PRRX1: variants seen among roughly 807,000 people sequenced by gnomAD.
PRRX1 encodes paired related homeobox 1, also known as paired mesoderm homeobox protein 1.
A neutral mutation model predicts 24.0 loss-of-function variants in PRRX1; 8 were observed. The ratio of observed to expected loss-of-function variants is 0.33; its 90% confidence interval spans 0.20 to 0.60. The LOEUF is 0.60. PRRX1 is among the 20% of genes least tolerant of loss of function. The probability of loss-of-function intolerance (pLI) is 0.82; values close to 1 mark genes in which losing one functional copy is unlikely to be tolerated. For missense variants in PRRX1, 281 were observed against 322.4 expected (o/e 0.87, Z 0.98); for synonymous variants, 160 against 131.7 (o/e 1.22, Z -1.47).
At chr1:170,716,508 C>T (rs1654912210) in intron 1 of PRRX1, among the ~76,000 whole-genome samples, 1 of 151,252 alleles carries the variant, frequency 6.6e-6, no homozygotes, top group Non-Finnish European at 1.5e-5. Flanking sequence ...GGTGTGAACC[C>T]AGGAGGCGGA....
intron 1 of PRRX1, among the ~76,000 whole-genome samples, chr1:170,675,380 C>A (rs1010961307): frequency 6.6e-6 from 1 of 152,114 alleles, no homozygotes; most frequent in Non-Finnish European, 1.5e-5. Flanking sequence ...GAAGAGCTCA[C>A]AAAATTAGTC....
chr1:170,690,123 T>C (rs1207855362), intron 1 of PRRX1, among the ~76,000 whole-genome samples: 1 of 149,718 alleles, frequency 6.7e-6, no homozygotes, highest in African/African-American at 2.5e-5. Flanking sequence ...ACTCCTCCCC[T>C]CCCCCCCCAT....
At chr1:170,685,648 ATTTC>A (rs111844135) in intron 1 of PRRX1, among the ~76,000 whole-genome samples, 57,240 of 150,652 alleles carry the variant, frequency 0.38, 11,201 homozygotes, top group Middle Eastern at 0.52. Context: ...TGCCTGCTTG[ATTTC>A]TTTCTTTCTT....
chr1:170,704,759 C>T (rs1654503069), intron 1 of PRRX1, among the ~76,000 whole-genome samples: 1 of 152,132 alleles, frequency 6.6e-6, no homozygotes, highest in Non-Finnish European at 1.5e-5. Flanking sequence ...ATAGACTATA[C>T]CCAAAACATT....
At chr1:170,665,654 A>C (rs1652897338) in intron 1 of PRRX1, among the ~76,000 whole-genome samples, 1 of 152,242 alleles carries the variant, frequency 6.6e-6, no homozygotes, top group Non-Finnish European at 1.5e-5. Flanking sequence ...TAGACATACA[A>C]ATCAAACTGC....
At chr1:170,683,638 TAG>T (rs1254073163) in intron 1 of PRRX1, among the ~76,000 whole-genome samples, 1 of 152,192 alleles carries the variant, frequency 6.6e-6, no homozygotes, top group African/African-American at 2.4e-5. Context: ...TTTGAAATGT[TAG>T]AGTCTATAAT....
intron 1 of PRRX1, among the ~76,000 whole-genome samples, chr1:170,697,559 T>C (rs907142123): frequency 8.6e-5 from 13 of 151,486 alleles, no homozygotes; most frequent in African/African-American, 3.1e-4. Flanking sequence ...CAAAGGCACT[T>C]TCTTCCAATC....
At chr1:170,715,983 T>C (rs1654892399) in intron 1 of PRRX1, among the ~76,000 whole-genome samples, 1 of 152,228 alleles carries the variant, frequency 6.6e-6, no homozygotes, top group South Asian at 2.1e-4. Context: ...TTGGGAATCC[T>C]GGTTTCTTGC....
intron 1 of PRRX1, among the ~76,000 whole-genome samples, chr1:170,710,827 T>A (rs183170739): frequency 1.8e-4 from 28 of 152,318 alleles, no homozygotes; most frequent in African/African-American, 6.0e-4. Context: ...AAGCAGGCCC[T>A]CAACAGGAAC....
Position 170,736,423 on chromosome 1 carries a change from T to C in PRRX1, c.*237T>C, listed in dbSNP as rs1655605825. The C allele has an allele frequency of 1.7e-6, 1 of 574,862 alleles. No individual in the cohort carries two copies. Among genetic ancestry groups the C allele is most frequent in the Non-Finnish European group, 3.0e-6 (1 of 328,922 alleles). 35.6% of individuals were successfully genotyped at this position (574,862 alleles called of 1,614,324 possible). ...ACCACCACTTGTTTCTGTGTGTGTTTATTTTGTTTTTCTTTCATTCATGCT... is the reference window on the plus strand; with the variant it reads ...ACCACCACTTGTTTCTGTGTGTGTTCATTTTGTTTTTCTTTCATTCATGCT... On this transcript the variant is annotated 3_prime_UTR_variant, in exon 4 of 4. Transcript: ENST00000239461.
chr1:170,729,744 G>T (rs914361556), intron 3 of PRRX1, among the ~76,000 whole-genome samples: 3 of 152,206 alleles, frequency 2.0e-5, no homozygotes, highest in African/African-American at 7.2e-5. Context: ...TCACCAGAGG[G>T]ACAAAGCATT....
chr1:170,738,234 A>T lies in PRRX1; in HGVS notation c.*2048A>T, dbSNP rs1307194996. ...GTGACAGGCAAGGATTTTTGGGTTT[A>T]AGATGCACTTTTAGCACACATTTGT... On this transcript the variant is annotated 3_prime_UTR_variant, in exon 4 of 4. Transcript: ENST00000239461. 4.4e-6 allele frequency: 1 copy of T among 224,990 alleles called. No individual in the cohort carries two copies. Among genetic ancestry groups the T allele is most frequent in the East Asian group, 6.5e-5 (1 of 15,442 alleles). 13.9% of individuals were successfully genotyped at this position (224,990 alleles called of 1,614,324 possible).
intron 1 of PRRX1, among the ~76,000 whole-genome samples, chr1:170,669,746 A>T (rs1653082179): frequency 6.6e-6 from 1 of 152,130 alleles, no homozygotes; most frequent in African/African-American, 2.4e-5. Context: ...AAAGGTCTGT[A>T]CGTGCCTGTG....
At chr1:170,672,985 C>A (rs1653194427) in intron 1 of PRRX1, among the ~76,000 whole-genome samples, 2 of 152,144 alleles carry the variant, frequency 1.3e-5, no homozygotes. Context: ...CTCCTAAATG[C>A]TGTTTTCTAG....
At chr1:170,677,366 A>G (rs667190) in intron 1 of PRRX1, among the ~76,000 whole-genome samples, 3,455 of 152,350 alleles carry the variant, frequency 0.023, 144 homozygotes, top group African/African-American at 0.078. Flanking sequence ...TAAATGCTTT[A>G]TTATAAATTG....
intron 3 of PRRX1, among the ~76,000 whole-genome samples, chr1:170,733,430 T>A (rs575026367): frequency 1.3e-5 from 2 of 152,264 alleles, no homozygotes; most frequent in East Asian, 3.9e-4. Flanking sequence ...AAAAAACACA[T>A]CATCTTTCAG....
At chr1:170,685,997 G>C (rs1209699838) in intron 1 of PRRX1, among the ~76,000 whole-genome samples, 1 of 152,018 alleles carries the variant, frequency 6.6e-6, no homozygotes, top group East Asian at 1.9e-4. Flanking sequence ...GAACTGAAGG[G>C]TGAGGCTTGT....
intron 1 of PRRX1, among the ~76,000 whole-genome samples, chr1:170,713,813 T>C (rs1287154643): frequency 6.6e-6 from 1 of 152,220 alleles, no homozygotes; most frequent in African/African-American, 2.4e-5. Context: ...ACCAAGTCTA[T>C]ACCAAGATGA....
intron 1 of PRRX1, among the ~76,000 whole-genome samples, chr1:170,703,526 A>G (rs891732349): frequency 3.9e-5 from 6 of 152,272 alleles, no homozygotes; most frequent in Middle Eastern, 3.2e-3. Context: ...CCTGGAAAGT[A>G]TATAGCAAAA....
Sources: gnomAD v4.1 joint callset for allele counts (sites outside exome capture counted in the v4.1 genomes callset) on GRCh38, gnomAD v4.1.1 for gene constraint, MANE v1.5 for transcripts, NCBI Gene and HGNC (gene_info 2026-07-23, HGNC 2026-07-21) for gene names.